SGPP2: variants seen among roughly 807,000 people sequenced by gnomAD.
SGPP2 encodes sphingosine 1-phosphate phosphohydrolase 2.
A neutral mutation model predicts 33.9 loss-of-function variants in SGPP2; 30 were observed. That is an observed-to-expected ratio of 0.89 (90% CI 0.66 to 1.20). The LOEUF (loss-of-function observed/expected upper bound fraction) is 1.20, where lower values mean the gene tolerates loss of function less well. Ranked by LOEUF, SGPP2 falls within the 50% of genes most tolerant of loss-of-function variation. The pLI is 0.00. For synonymous variants in SGPP2, 233 were observed against 225.0 expected (o/e 1.04, Z -0.32); for missense variants, 458 against 532.1 (o/e 0.86, Z 1.37).
chr2:222,557,686 A>G (rs1689437185), intron 4 of SGPP2, among the ~76,000 whole-genome samples: 1 of 152,214 alleles, frequency 6.6e-6, no homozygotes, highest in African/African-American at 2.4e-5. Flanking sequence ...GAGGCGATGG[A>G]ATAAAGCAAG....
At position 222,543,546 on chromosome 2, in the gene SGPP2, A is replaced by G. The variant is rs1191268039; in HGVS notation, c.649-14801A>G. Among the ~76,000 whole-genome samples, 4 of 152,254 alleles carry G rather than the reference A, an allele frequency of 2.6e-5. No homozygotes were observed. The East Asian group carries it at 5.8e-4, about 22-fold the overall frequency. ...CAACAACCAATAATAACATAGAACA[A>G]TCATAACGATATGCTGTCATAAAAG... On this transcript the variant is annotated intron_variant, in intron 4 of 4. Coordinates refer to ENST00000321276, the MANE Select transcript of SGPP2 (RefSeq NM_152386.4).
chr2:222,469,314 G>A (rs1697802969), intron 1 of SGPP2, among the ~76,000 whole-genome samples: 1 of 152,176 alleles, frequency 6.6e-6, no homozygotes, highest in Admixed American at 6.5e-5. Flanking sequence ...CTCCAGAGTA[G>A]CTGGGATTAC....
intron 1 of SGPP2, among the ~76,000 whole-genome samples, chr2:222,469,344 C>T (rs1290781812): frequency 4.6e-5 from 7 of 152,166 alleles, no homozygotes; most frequent in South Asian, 2.1e-4. Flanking sequence ...CCACCATGCC[C>T]GGCTAATTTG....
At chr2:222,431,238 T>A (rs1307627003) in intron 1 of SGPP2, among the ~76,000 whole-genome samples, 2 of 150,766 alleles carry the variant, frequency 1.3e-5, no homozygotes, top group Non-Finnish European at 2.9e-5. Context: ...TCTCTTGAGG[T>A]CAGGAGTTGT....
At position 222,477,975 on chromosome 2, in the gene SGPP2, T is replaced by TA. The variant is rs1697973534; in HGVS notation, c.378+3250dup. The stretch of plus-strand genomic sequence containing the variant: ...TTTGTCCTGAGGTTTGGCCACCTGT[T>TA]ACTTGACTTTTTAAAATCGGTGCAT... On this transcript the variant is annotated intron_variant, in intron 2 of 4. Transcript: ENST00000321276. This position sits in a 1 kb window ranked among gnomAD's most constrained non-coding sequence, Gnocchi z 6.0. Among the ~76,000 whole-genome samples the TA allele has an allele frequency of 6.6e-6, 1 of 152,194 alleles. No individual in the cohort carries two copies. Among genetic ancestry groups the TA allele is most frequent in the Non-Finnish European group, 1.5e-5 (1 of 68,026 alleles).
intron 4 of SGPP2, among the ~76,000 whole-genome samples, chr2:222,541,060 A>C (rs185414697): frequency 0.038 from 5,804 of 151,754 alleles, 223 homozygotes; most frequent in African/African-American, 0.099. Context: ...CTCGTGATCC[A>C]CCCGCCTCAG....
At chr2:222,439,888 T>C (rs1041520192) in intron 1 of SGPP2, among the ~76,000 whole-genome samples, 6 of 152,240 alleles carry the variant, frequency 3.9e-5, no homozygotes, top group African/African-American at 1.2e-4. Flanking sequence ...AAAATGGCTC[T>C]ACACATGTGC....
chr2:222,494,024 T>A (rs748455027), intron 2 of SGPP2, among the ~76,000 whole-genome samples: 6 of 152,236 alleles, frequency 3.9e-5, no homozygotes, highest in African/African-American at 1.4e-4. Context: ...AACTCATCAG[T>A]CATTTTTCTA....
intron 2 of SGPP2, among the ~76,000 whole-genome samples, chr2:222,485,689 C>G (rs1462403730): frequency 6.6e-6 from 1 of 152,150 alleles, no homozygotes; most frequent in Non-Finnish European, 1.5e-5. Context: ...CACGAATTTC[C>G]CAGGCTTCTT....
chr2:222,482,169 A>G (rs903970738), intron 2 of SGPP2, among the ~76,000 whole-genome samples: 6 of 152,212 alleles, frequency 3.9e-5, no homozygotes, highest in African/African-American at 1.4e-4. Context: ...GGCTGATGTA[A>G]TATAGGTAGT....
At chr2:222,458,840 A>G (rs996875268) in intron 1 of SGPP2, among the ~76,000 whole-genome samples, 2 of 152,100 alleles carry the variant, frequency 1.3e-5, no homozygotes, top group African/African-American at 4.8e-5. Context: ...TTGTCTCTCT[A>G]GTTTGCCTCT....
intron 1 of SGPP2, among the ~76,000 whole-genome samples, chr2:222,425,149 C>T (rs1697043674): frequency 6.6e-6 from 1 of 152,208 alleles, no homozygotes; most frequent in Admixed American, 6.5e-5. Context: ...AACGGAGGAG[C>T]GGGGATGTCC....
rs1349476250 is a variant in SGPP2 at position 222,440,392 on chromosome 2, G to GGA, written c.219+15573_219+15574dup. ...GGAATCTCATTCTGTTGCCCAGGCT[G>GGA]GAGTGCAGGGTGCAACCTCAGCTCA... On this transcript the variant is annotated intron_variant, in intron 1 of 4. Transcript: ENST00000321276. Among the ~76,000 whole-genome samples the GGA allele has an allele frequency of 2.6e-5, 4 of 151,024 alleles. No homozygotes were observed. The East Asian group carries it at 5.8e-4, about 22-fold the overall frequency.
At chr2:222,444,845 T>C (rs1373980927) in intron 1 of SGPP2, among the ~76,000 whole-genome samples, 1 of 152,228 alleles carries the variant, frequency 6.6e-6, no homozygotes, top group South Asian at 2.1e-4. Flanking sequence ...GAGTTTTTTT[T>C]ATTAGAGTAT....
chr2:222,539,857 G>A (rs939813114), intron 4 of SGPP2, among the ~76,000 whole-genome samples: 10 of 152,120 alleles, frequency 6.6e-5, no homozygotes, highest in South Asian at 4.1e-4. Context: ...CATCCATTGC[G>A]CTTTGGGATC....
At chr2:222,462,467 G>A (rs1427738140) in intron 1 of SGPP2, among the ~76,000 whole-genome samples, 1 of 152,170 alleles carries the variant, frequency 6.6e-6, no homozygotes. Context: ...TGTTGGATCT[G>A]CTGTGAGAAT....
intron 2 of SGPP2, among the ~76,000 whole-genome samples, chr2:222,515,133 T>C (rs146358623): frequency 6.6e-6 from 1 of 152,274 alleles, no homozygotes; most frequent in African/African-American, 2.4e-5. Flanking sequence ...ACTGATGTCC[T>C]TCCTTCAAGT....
At chr2:222,549,352 A>G (rs186593454) in intron 4 of SGPP2, among the ~76,000 whole-genome samples, 27 of 152,376 alleles carry the variant, frequency 1.8e-4, no homozygotes, top group Non-Finnish European at 3.4e-4. Context: ...AGTAAACTGC[A>G]TATGGGAATG....
In SGPP2 at chr2:222,559,156, A is replaced by ACCCC. The variant is rs1559180260; in HGVS notation, c.*260_*261insCCCC. ...ATAATCCGGATCTTTAAAGGCACACACCGCGCCCCCCCCCCCCCCGCCCGG... is the reference window on the plus strand; with the variant it reads ...ATAATCCGGATCTTTAAAGGCACACACCCCCCGCGCCCCCCCCCCCCCCGCCCGG... On this transcript the variant is annotated 3_prime_UTR_variant, in exon 5 of 5. Coordinates refer to ENST00000321276, the MANE Select transcript of SGPP2 (RefSeq NM_152386.4). 1.4e-4 allele frequency: 8 copies of ACCCC among 56,264 alleles called. No homozygotes were observed. Among genetic ancestry groups the ACCCC allele is most frequent in the Admixed American group, 3.2e-4 (1 of 3,158 alleles). 3.5% of individuals were successfully genotyped at this position (56,264 alleles called of 1,614,324 possible). A position where few individuals can be genotyped will look rare whatever the true frequency, so the allele number is the denominator to read the frequency against.
Sources: gnomAD v4.1 joint callset for allele counts (sites outside exome capture counted in the v4.1 genomes callset) on GRCh38, gnomAD v4.1.1 for gene constraint, Gnocchi (gnomAD v3.1) non-coding constraint, MANE v1.5 for transcripts, NCBI Gene and HGNC (gene_info 2026-07-23, HGNC 2026-07-21) for gene names.